Variants in GABBR2 observed in about 807,000 individuals in gnomAD.
The protein encoded by GABBR2 is gamma-aminobutyric acid type B receptor subunit 2.
Under a neutral mutation model 105.6 loss-of-function variants are expected in GABBR2, and 23 were observed. The observed-to-expected ratio is 0.22, with a 90% CI of 0.16 to 0.31. The LOEUF (loss-of-function observed/expected upper bound fraction) is 0.31, where lower values mean the gene tolerates loss of function less well. GABBR2 is among the 10% of genes least tolerant of loss of function. The pLI is 1.00. For missense variants in GABBR2, 734 were observed against 1,245.5 expected (o/e 0.59, Z 6.18); for synonymous variants, 478 against 499.7 (o/e 0.96, Z 0.58).
intron 4 of GABBR2, among the ~76,000 whole-genome samples, chr9:98,495,705 T>C (rs1827263934): frequency 1.3e-5 from 2 of 152,158 alleles, no homozygotes; most frequent in Non-Finnish European, 1.5e-5. Context: ...CTCTTCCTCC[T>C]CCACCAAATG....
At chr9:98,602,077 T>C (rs2131805635) in intron 1 of GABBR2, among the ~76,000 whole-genome samples, 1 of 152,200 alleles carries the variant, frequency 6.6e-6, no homozygotes, top group African/African-American at 2.4e-5. Flanking sequence ...GACAGCTCAC[T>C]GCAGCCTCAC....
At chr9:98,320,910 A>G (rs1830809588) in intron 13 of GABBR2, among the ~76,000 whole-genome samples, 1 of 151,984 alleles carries the variant, frequency 6.6e-6, no homozygotes, top group South Asian at 2.1e-4. Context: ...GCACACCAGC[A>G]TGGCACATGT....
chr9:98,521,566 A>G (rs1324864090), intron 3 of GABBR2, among the ~76,000 whole-genome samples: 1 of 152,202 alleles, frequency 6.6e-6, no homozygotes, highest in Non-Finnish European at 1.5e-5. Context: ...AGGCAAGTAA[A>G]CAAAGTCAGA....
intron 1 of GABBR2, among the ~76,000 whole-genome samples, chr9:98,628,106 A>G (rs538276582): frequency 6.6e-6 from 1 of 152,376 alleles, no homozygotes; most frequent in Non-Finnish European, 1.5e-5. Context: ...TAGCAATTGA[A>G]AAGTTACATG....
chr9:98,333,489 C>T (rs1831062929), intron 13 of GABBR2, among the ~76,000 whole-genome samples: 1 of 152,068 alleles, frequency 6.6e-6, no homozygotes, highest in African/African-American at 2.4e-5. Flanking sequence ...CCCGGTGGCC[C>T]CAGGCATTCC....
chr9:98,705,407 T>C (rs1588290638), intron 1 of GABBR2, among the ~76,000 whole-genome samples: 1 of 152,302 alleles, frequency 6.6e-6, no homozygotes, highest in African/African-American at 2.4e-5. Flanking sequence ...GATTAACCCA[T>C]TCCTTGCTAA....
chr9:98,581,865 A>AT (rs1271942758), intron 1 of GABBR2, among the ~76,000 whole-genome samples: 1 of 152,264 alleles, frequency 6.6e-6, no homozygotes, highest in Admixed American at 6.5e-5. Flanking sequence ...CTTGCTTAGC[A>AT]AACACTTTCT....
At chr9:98,489,020 AT>A (rs1439911739) in intron 4 of GABBR2, among the ~76,000 whole-genome samples, 7 of 152,162 alleles carry the variant, frequency 4.6e-5, no homozygotes, top group Non-Finnish European at 1.0e-4. Flanking sequence ...GATAGTAAAT[AT>A]TTTTGGTCTC....
intron 1 of GABBR2, among the ~76,000 whole-genome samples, chr9:98,679,613 A>G (rs542450350): frequency 6.6e-6 from 1 of 152,332 alleles, no homozygotes; most frequent in South Asian, 2.1e-4. Context: ...TTGGCATTTG[A>G]GAAAACAGCA....
intron 12 of GABBR2, among the ~76,000 whole-genome samples, chr9:98,367,869 C>T (rs1831709533): frequency 6.6e-6 from 1 of 152,158 alleles, no homozygotes; most frequent in South Asian, 2.1e-4. Context: ...CAAAAATGGG[C>T]TCTTCTTCAC....
rs1827511941 is a variant in GABBR2 at position 98,506,413 on chromosome 9, T to C, written c.631-9899A>G. Among the ~76,000 whole-genome samples, 3 of 152,334 alleles carry C rather than the reference T, an allele frequency of 2.0e-5. No individual in the cohort carries two copies. In the South Asian group the frequency reaches 6.2e-4, roughly 32 times the overall value. On this transcript the variant is annotated intron_variant, in intron 3 of 18. Transcript: ENST00000259455. ...AGCATGGATGAGTGCATGCTGAGGC[T>C]GCACCATGGCCACCCACTCTTAGAT...
At chr9:98,585,477 A>T (rs1224091854) in intron 1 of GABBR2, among the ~76,000 whole-genome samples, 4 of 123,318 alleles carry the variant, frequency 3.2e-5, no homozygotes, top group African/African-American at 1.2e-4. Flanking sequence ...AACATCACAC[A>T]CCGGGGACTG....
chr9:98,306,655 C>A lies in GABBR2; in HGVS notation c.2005-310G>T. On this transcript the variant is annotated intron_variant, in intron 14 of 18. Coordinates refer to ENST00000259455, the MANE Select transcript of GABBR2 (RefSeq NM_005458.8). This position sits in a 1 kb window ranked among gnomAD's most constrained non-coding sequence, Gnocchi z 5.4. ...AAGGGAACTTCAGATAAGATCTCAG[C>A]TTTCTCCCTCACTCTCTAGGGAATA... is the stretch of plus-strand genomic sequence containing the variant. 2.4e-6 allele frequency: 1 copy of A among 422,566 alleles called. No homozygotes were observed. Among genetic ancestry groups the A allele is most frequent in the East Asian group, 4.9e-5 (1 of 20,290 alleles). The allele number at this position is 422,566 out of a possible 1,614,324, so 26.2% of individuals were successfully genotyped here.
chr9:98,358,960 G>C (rs1277176205), intron 13 of GABBR2, among the ~76,000 whole-genome samples: 1 of 152,212 alleles, frequency 6.6e-6, no homozygotes, highest in Non-Finnish European at 1.5e-5. Context: ...CACTGGCTGA[G>C]TGACCTGGGC....
chr9:98,520,795 C>T (rs1022285832), intron 3 of GABBR2, among the ~76,000 whole-genome samples: 1 of 152,154 alleles, frequency 6.6e-6, no homozygotes, highest in African/African-American at 2.4e-5. Context: ...GCTCAGGACG[C>T]CAGATGATGA....
chr9:98,656,156 A>G (rs1830180781), intron 1 of GABBR2, among the ~76,000 whole-genome samples: 1 of 152,182 alleles, frequency 6.6e-6, no homozygotes. Context: ...GTAGTCACCA[A>G]AGAGCTGGGT....
intron 2 of GABBR2, among the ~76,000 whole-genome samples, chr9:98,563,217 G>A (rs536964104): frequency 8.6e-5 from 13 of 151,992 alleles, no homozygotes; most frequent in African/African-American, 2.7e-4. Context: ...GAGAAAGATT[G>A]AGAGCACCGA....
chr9:98,293,938 T>A (rs755275227), intron 17 of GABBR2, 36 bp from the exon 18 acceptor site: 1 of 1,237,396 alleles, frequency 8.1e-7, no homozygotes, highest in South Asian at 1.2e-5. Context: ...ACATGTTCGG[T>A]TAACTTAGTT....
intron 2 of GABBR2, among the ~76,000 whole-genome samples, chr9:98,556,599 C>T (rs1218506922): frequency 1.3e-5 from 2 of 152,104 alleles, no homozygotes; most frequent in Non-Finnish European, 1.5e-5. Context: ...CAAGAGCACC[C>T]GGAAGTGAGT....
Sources: allele counts gnomAD v4.1 joint callset (sites outside exome capture counted in the v4.1 genomes callset), GRCh38; gene constraint gnomAD v4.1.1; non-coding constraint Gnocchi (gnomAD v3.1); transcripts MANE v1.5; gene names NCBI Gene and HGNC (gene_info 2026-07-23, HGNC 2026-07-21).